DMD: variants seen among roughly 807,000 people sequenced by gnomAD.
DMD encodes mutant dystrophin.
In DMD, 63 loss-of-function variants were observed where a neutral mutation model predicts 330.1. That is an observed-to-expected ratio of 0.19 (90% CI 0.16 to 0.24). The LOEUF is 0.24. Among genes scored for constraint, DMD ranks in the 10% least tolerant of loss-of-function variants. The probability of loss-of-function intolerance (pLI) is 1.00; values close to 1 mark genes in which losing one functional copy is unlikely to be tolerated. For synonymous variants in DMD, 1,223 were observed against 959.8 expected, an observed-to-expected ratio of 1.27 and a Z score of -5.07; for missense variants, 3,344 against 2,684.1, an observed-to-expected ratio of 1.25 and a Z score of -5.43.
chrX:33,209,755 T>C (rs1355576305), intron 1 of DMD, among the ~76,000 whole-genome samples: 1 of 111,193 alleles, frequency 9.0e-6, no homozygotes, highest in African/African-American at 3.3e-5. Flanking sequence ...ACAGGGCATG[T>C]CCCAAAAAGA....
intron 28 of DMD, among the ~76,000 whole-genome samples, chrX:32,439,988 TTC>T (rs1014556396): frequency 6.3e-5 from 7 of 111,269 alleles, no homozygotes; most frequent in Admixed American, 1.9e-4. Context: ...GCTTCAAATT[TTC>T]TCTCTTTCCT....
intron 12 of DMD, among the ~76,000 whole-genome samples, chrX:32,612,389 C>G (rs1424914220): frequency 9.0e-6 from 1 of 111,636 alleles, no homozygotes; most frequent in Non-Finnish European, 1.9e-5. Context: ...CAATCCATGA[C>G]CCAGGATGGC....
chrX:32,751,844 G>C (rs934924756), intron 7 of DMD, among the ~76,000 whole-genome samples: 7 of 112,663 alleles, frequency 6.2e-5, no homozygotes, highest in African/African-American at 2.3e-4. Context: ...CTCCAGCTGT[G>C]ACTAAAAGGG....
At chrX:31,174,127 T>A (rs2040274543) in intron 71 of DMD, among the ~76,000 whole-genome samples, 2 of 111,814 alleles carry the variant, frequency 1.8e-5, no homozygotes, top group South Asian at 7.5e-4. Flanking sequence ...ATCTATGCAA[T>A]TTTGTAAAGA....
At chrX:31,837,971 C>A (rs1183507768) in intron 48 of DMD, among the ~76,000 whole-genome samples, 4 of 112,184 alleles carry the variant, frequency 3.6e-5, no homozygotes, top group Non-Finnish European at 7.5e-5. Flanking sequence ...GTTATGTATG[C>A]AAATTTCACT....
At chrX:32,609,117 C>G (rs2056963362) in intron 12 of DMD, among the ~76,000 whole-genome samples, 1 of 110,376 alleles carries the variant, frequency 9.1e-6, no homozygotes, top group Admixed American at 9.7e-5. Context: ...TGTTCATATC[C>G]TAAATCTAGT....
At chrX:31,672,374 A>G (rs1170299004) in intron 53 of DMD, among the ~76,000 whole-genome samples, 2 of 112,317 alleles carry the variant, frequency 1.8e-5, no homozygotes, top group Non-Finnish European at 3.8e-5. Flanking sequence ...GTATTCTGCT[A>G]TTATTGGATG....
At chrX:31,688,730 G>A (rs1293258054) in intron 52 of DMD, among the ~76,000 whole-genome samples, 14 of 111,106 alleles carry the variant, frequency 1.3e-4, no homozygotes, top group Non-Finnish European at 2.6e-4. Flanking sequence ...ATAAAATACT[G>A]GCAAACCGAA....
chrX:31,271,156 C>G (rs1249416344), intron 62 of DMD, among the ~76,000 whole-genome samples: 7 of 111,575 alleles, frequency 6.3e-5, no homozygotes, highest in African/African-American at 2.3e-4. Context: ...GGATGAGTAG[C>G]ATTCTCCGAG....
intron 60 of DMD, among the ~76,000 whole-genome samples, chrX:31,428,488 T>C (rs1284996863): frequency 1.8e-5 from 2 of 111,969 alleles, no homozygotes. Context: ...CAGCCTCAGG[T>C]ATTCCTTTAT....
At chrX:32,835,925 C>T (rs1468057099) in intron 4 of DMD, among the ~76,000 whole-genome samples, 1 of 110,297 alleles carries the variant, frequency 9.1e-6, no homozygotes, top group Non-Finnish European at 1.9e-5. Context: ...TTTTTTAAAC[C>T]AGGGTTTCTT....
At chrX:33,013,253 TG>T (rs1310836712) in intron 2 of DMD, among the ~76,000 whole-genome samples, 2 of 111,406 alleles carry the variant, frequency 1.8e-5, no homozygotes, top group African/African-American at 6.5e-5. Flanking sequence ...TTGTATCATA[TG>T]ATTATTGGAG....
At chrX:32,023,122 C>T (rs376099498) in intron 44 of DMD, among the ~76,000 whole-genome samples, 7 of 111,499 alleles carry the variant, frequency 6.3e-5, no homozygotes, top group African/African-American at 2.0e-4. Flanking sequence ...TGAGCTACTG[C>T]GCCCGGCCAG....
intron 48 of DMD, among the ~76,000 whole-genome samples, chrX:31,850,621 C>T (rs1428494880): frequency 4.4e-5 from 5 of 112,360 alleles, no homozygotes; most frequent in Non-Finnish European, 9.4e-5. Context: ...CATATAAAAG[C>T]TGCTCTTTCC....
intron 61 of DMD, among the ~76,000 whole-genome samples, chrX:31,325,450 A>AC (rs1230917471): frequency 9.5e-6 from 1 of 105,052 alleles, no homozygotes; most frequent in Admixed American, 1.0e-4. Flanking sequence ...AAATACCAAA[A>AC]AAAAAAAAAA....
chrX:31,757,732 C>A (rs1202729707), intron 51 of DMD, among the ~76,000 whole-genome samples: 2 of 110,122 alleles, frequency 1.8e-5, no homozygotes, highest in African/African-American at 6.6e-5. Context: ...CTAATACCAT[C>A]ACCTTGAGTG....
At chrX:32,486,033 G>T (rs760639725) in intron 20 of DMD, among the ~76,000 whole-genome samples, 1 of 109,889 alleles carries the variant, frequency 9.1e-6, no homozygotes, top group Admixed American at 9.8e-5. Context: ...GAGCCACCGC[G>T]CCCAGCCAAT....
chrX:31,932,268 A>T, intron 45 of DMD, 41 bp from the exon 46 acceptor site: 1 of 1,072,406 alleles, frequency 9.3e-7, no homozygotes, highest in Non-Finnish European at 1.3e-6. Context: ...TTTTTCCAAC[A>T]TAGTTCTCAA....
intron 1 of DMD, among the ~76,000 whole-genome samples, chrX:33,198,828 A>G (rs1483870433): frequency 2.7e-5 from 3 of 110,771 alleles, no homozygotes; most frequent in Non-Finnish European, 5.7e-5. Flanking sequence ...AATTTGATGT[A>G]CTTAGGGGAT....
Sources: gnomAD v4.1 joint callset for allele counts (sites outside exome capture counted in the v4.1 genomes callset) on GRCh38, gnomAD v4.1.1 for gene constraint, MANE v1.5 for transcripts, NCBI Gene and HGNC (gene_info 2026-07-23, HGNC 2026-07-21) for gene names.